The following COL4A2 variants were observed in gnomAD, a reference collection of about 807,000 sequenced individuals.
COL4A2 encodes the protein collagen type IV alpha 2 chain.
COL4A2 carries 99 observed loss-of-function variants against 200.2 expected under a neutral mutation model. The ratio of observed to expected loss-of-function variants is 0.49; its 90% CI spans 0.42 to 0.58. The LOEUF is 0.58. Ranked by LOEUF, COL4A2 falls within the 20% of genes least tolerant of loss-of-function variation. COL4A2 has a pLI of 0.00. For missense variants in COL4A2, 1,950 were observed against 2,314.1 expected (o/e 0.84, Z 3.23); for synonymous variants, 897 against 900.6 (o/e 1.00, Z 0.07).
intron 29 of COL4A2, among the ~76,000 whole-genome samples, chr13:110,476,108 G>GC (rs1449673627): frequency 6.6e-6 from 1 of 152,142 alleles, no homozygotes; most frequent in Admixed American, 6.5e-5. Context: ...CGCCTGCTCA[G>GC]CCCCCAAGTT....
At chr13:110,310,307 C>G (rs1053617469) in intron 3 of COL4A2, among the ~76,000 whole-genome samples, 2 of 152,254 alleles carry the variant, frequency 1.3e-5, no homozygotes, top group East Asian at 1.9e-4. Flanking sequence ...GGCCCCATCT[C>G]AGACCTTCAG....
chr13:110,470,489 G>T (rs889770315), intron 28 of COL4A2, among the ~76,000 whole-genome samples: 1 of 152,144 alleles, frequency 6.6e-6, no homozygotes, highest in Non-Finnish European at 1.5e-5. Flanking sequence ...CCTGAGAGAG[G>T]CGGCCACATC....
chr13:110,438,536 G>T, intron 14 of COL4A2, 82 bp from the exon 15 acceptor site: 1 of 1,546,358 alleles, frequency 6.5e-7, no homozygotes, highest in Non-Finnish European at 8.9e-7. Context: ...CAGAGTCCTG[G>T]AGCAGAGGAT....
rs547549488 is a variant in COL4A2 at position 110,316,171 on chromosome 13, G to T, written c.99+8048G>T. Among the ~76,000 whole-genome samples, 4 of 152,254 alleles carry T rather than the reference G, an allele frequency of 2.6e-5. No individual in the cohort carries two copies. The South Asian group carries it at 6.2e-4, about 24-fold the overall frequency. On this transcript the variant is annotated intron_variant, in intron 3 of 47. Transcript: ENST00000360467. ...GAATTAGAGAAGAATGTGTGTTTTT[G>T]AATTTCATGGACTGATTATCTGGTA...
intron 4 of COL4A2, among the ~76,000 whole-genome samples, chr13:110,407,999 C>T (rs1485651252): frequency 1.3e-5 from 2 of 152,156 alleles, no homozygotes; most frequent in Non-Finnish European, 2.9e-5. Flanking sequence ...TAGACAGAGG[C>T]GTCCAGGAGG....
intron 40 of COL4A2, among the ~76,000 whole-genome samples, chr13:110,499,553 G>A (rs1053557874): frequency 3.3e-5 from 5 of 152,140 alleles, no homozygotes; most frequent in Admixed American, 1.3e-4. Context: ...CAGCCAAACC[G>A]TATCACAGCT....
chr13:110,307,731 G>A lies in COL4A2; in HGVS notation c.-44-129G>A, dbSNP rs1267019529. On this transcript the variant is annotated intron_variant, in intron 1 of 47. Coordinates refer to ENST00000360467, the MANE Select transcript of COL4A2 (RefSeq NM_001846.4). This position sits in a 1 kb window ranked among gnomAD's most constrained non-coding sequence, Gnocchi z 5.0. ...CTTCTTTCCGGGTCGTGGGGGGGAC[G>A]GCCCTCCGGTCACCCCTGCATGCGG... 4.8e-6 allele frequency: 4 copies of A among 830,500 alleles called. No homozygotes were observed. Among genetic ancestry groups the A allele is most frequent in the Non-Finnish European group, 7.3e-6 (4 of 547,350 alleles). 51.4% of individuals were successfully genotyped at this position (830,500 alleles called of 1,614,324 possible).
In COL4A2 at chr13:110,512,327, C is replaced by T; in HGVS notation, c.*136C>T. 7 of 1,374,206 alleles carry T rather than the reference C, an allele frequency of 5.1e-6. No individual in the cohort carries two copies. Among genetic ancestry groups the T allele is most frequent in the Non-Finnish European group, 5.7e-6 (6 of 1,045,304 alleles). 85.1% of individuals were successfully genotyped at this position (1,374,206 alleles called of 1,614,324 possible). On this transcript the variant is annotated 3_prime_UTR_variant, in exon 48 of 48. Transcript: ENST00000360467. ...AAGGAATTTGCATCCAGCAGCAGCA[C>T]TTAGACCTGCCAGCCACTGTCACCG...
chr13:110,469,434 A>G, intron 28 of COL4A2, 110 bp downstream of exon 28: 1 of 1,157,916 alleles, frequency 8.6e-7, no homozygotes. Context: ...CTGTTTTAAC[A>G]AATACTTGAC....
In COL4A2 at chr13:110,495,474, C is replaced by G; in HGVS notation, c.3760+7C>G. The G allele has an allele frequency of 6.2e-7, 1 of 1,610,160 alleles. No homozygotes were observed. Among genetic ancestry groups the G allele is most frequent in the East Asian group, 2.2e-5 (1 of 44,850 alleles). ...GGAGACCAAGGAGCTCCAGGTGAGG[C>G]CACACATTCCAAGCCAACATTGCCG... On this transcript the variant is annotated splice_region_variant and intron_variant, in intron 40 of 47. Transcript: ENST00000360467.
At chr13:110,349,284 C>T (rs1272137090) in intron 3 of COL4A2, among the ~76,000 whole-genome samples, 8 of 152,152 alleles carry the variant, frequency 5.3e-5, no homozygotes, top group Admixed American at 2.6e-4. Context: ...GTTTTCTCCA[C>T]GTTTTGAGAT....
intron 4 of COL4A2, among the ~76,000 whole-genome samples, chr13:110,398,971 C>T (rs1468342468): frequency 6.6e-6 from 1 of 152,016 alleles, no homozygotes. Context: ...AGATCAACCA[C>T]AAATTCCTGC....
In COL4A2 at chr13:110,408,933, ACG is replaced by A. The variant is rs1491309590; in HGVS notation, c.181-15799_181-15798del. ...TATACACATGCACACACACGTACACACGCACACATATATACACGGACACATAC... is the reference window on the plus strand; with the variant it reads ...TATACACATGCACACACACGTACACACACACATATATACACGGACACATAC... On this transcript the variant is annotated intron_variant, in intron 4 of 47. Transcript: ENST00000360467. Among the ~76,000 whole-genome samples the A allele has an allele frequency of 3.2e-4, 18 of 56,478 alleles. 1 individual carries two copies. Among genetic ancestry groups the A allele is most frequent in the African/African-American group, 6.9e-4 (12 of 17,358 alleles). The allele number at this position is 56,478 out of a possible 152,430, so 37.1% of individuals were successfully genotyped here.
chr13:110,315,367 C>T (rs1461402762), intron 3 of COL4A2, among the ~76,000 whole-genome samples: 1 of 152,212 alleles, frequency 6.6e-6, no homozygotes, highest in Non-Finnish European at 1.5e-5. Flanking sequence ...CATTTGTCTT[C>T]ACCCATCATC....
intron 4 of COL4A2, among the ~76,000 whole-genome samples, chr13:110,418,167 C>T (rs1880117167): frequency 6.6e-6 from 1 of 152,186 alleles, no homozygotes; most frequent in Non-Finnish European, 1.5e-5. Flanking sequence ...ATGTGTACAA[C>T]TTATTTGGTG....
intron 4 of COL4A2, among the ~76,000 whole-genome samples, chr13:110,393,717 A>T (rs1236697479): frequency 1.3e-5 from 2 of 152,038 alleles, no homozygotes; most frequent in Non-Finnish European, 2.9e-5. Flanking sequence ...CAACTCTACT[A>T]AAAATATAAA....
At chr13:110,355,646 TG>T (rs71127933) in intron 3 of COL4A2, among the ~76,000 whole-genome samples, 1 of 14,052 alleles carries the variant, frequency 7.1e-5, no homozygotes, top group African/African-American at 9.2e-4. Context: ...CCTGTGTGTG[TG>T]GGGGAGGGCT....
intron 21 of COL4A2, 55 bp from the exon 22 acceptor site, chr13:110,458,716 C>T: frequency 1.2e-6 from 2 of 1,607,596 alleles, no homozygotes; most frequent in African/African-American, 1.3e-5. Flanking sequence ...ACCCCTCTCC[C>T]CGCCACGCTA....
intron 4 of COL4A2, among the ~76,000 whole-genome samples, chr13:110,370,394 G>A (rs1215017010): frequency 6.6e-6 from 1 of 152,024 alleles, no homozygotes; most frequent in Non-Finnish European, 1.5e-5. Flanking sequence ...CTCCCGAGTA[G>A]CTGGGAGCCC....
Sources: gnomAD v4.1 joint callset for allele counts (sites outside exome capture counted in the v4.1 genomes callset) on GRCh38, gnomAD v4.1.1 for gene constraint, Gnocchi (gnomAD v3.1) non-coding constraint, MANE v1.5 for transcripts, NCBI Gene and HGNC (gene_info 2026-07-23, HGNC 2026-07-21) for gene names.